GARIN3: variants seen among roughly 807,000 people sequenced by gnomAD.
GARIN3 encodes the protein golgi associated RAB2 interactor family member 3, also known as Golgi-associated RAB2 interactor protein 3.
the GARIN3 span, among the ~76,000 whole-genome samples, chr5:157,164,338 G>A: frequency 1.2e-4 from 19 of 152,014 alleles, no homozygotes; most frequent in Non-Finnish European, 2.5e-4. Context: ...ATTTAGTAGA[G>A]ATGAGGTTTC....
At chr5:157,162,360 A>G in the GARIN3 span, 1 of 1,503,190 alleles carries the variant, frequency 6.7e-7, no homozygotes, top group Non-Finnish European at 8.9e-7. Context: ...GATTTCCTTT[A>G]TTATTTGAAC....
chr5:157,162,265 C>G, the GARIN3 span: 1 of 894,590 alleles, frequency 1.1e-6, no homozygotes, highest in Non-Finnish European at 1.7e-6. Flanking sequence ...AGCATAGCCA[C>G]CATCACAGAA....
At chr5:157,163,276 A>G in the GARIN3 span, 2 of 1,614,226 alleles carry the variant, frequency 1.2e-6, no homozygotes, top group Non-Finnish European at 1.7e-6. Context: ...AGCACCTGCC[A>G]TGGACTTGCT....
the GARIN3 span, chr5:157,162,264 A>T: frequency 1.1e-6 from 1 of 881,352 alleles, no homozygotes; most frequent in Non-Finnish European, 1.7e-6. Flanking sequence ...TAGCATAGCC[A>T]CCATCACAGA....
At chr5:157,165,614 G>T in the GARIN3 span, 1 of 1,614,074 alleles carries the variant, frequency 6.2e-7, no homozygotes, top group Non-Finnish European at 8.5e-7. Context: ...GAAGTGTTGG[G>T]GTACTGCAGT....
the GARIN3 span, chr5:157,163,447 C>T: frequency 6.2e-7 from 1 of 1,614,222 alleles, no homozygotes; most frequent in Non-Finnish European, 8.5e-7. Context: ...TGTTGCTGTT[C>T]CTGCCACTGC....
the GARIN3 span, chr5:157,162,316 C>A: frequency 7.2e-7 from 1 of 1,388,000 alleles, no homozygotes; most frequent in Non-Finnish European, 9.7e-7. Flanking sequence ...CAGAAAAATT[C>A]AAGCAGGAGA....
At chr5:157,164,146 CTTTT>C in the GARIN3 span, among the ~76,000 whole-genome samples, 1 of 127,218 alleles carries the variant, frequency 7.9e-6, no homozygotes, top group African/African-American at 3.0e-5. Context: ...AGTCTTTTGT[CTTTT>C]TTTTTTTTTT....
At chr5:157,164,968 G>A in the GARIN3 span, among the ~76,000 whole-genome samples, 80 of 152,102 alleles carry the variant, frequency 5.3e-4, no homozygotes, top group Non-Finnish European at 9.1e-4. Context: ...GCATTGAGCC[G>A]AGATCGTGCC....
At chr5:157,165,006 C>T in the GARIN3 span, among the ~76,000 whole-genome samples, 3 of 152,040 alleles carry the variant, frequency 2.0e-5, no homozygotes, top group South Asian at 2.1e-4. Flanking sequence ...GAGATAAGAG[C>T]GAAACTCTGT....
the GARIN3 span, chr5:157,162,738 C>G: frequency 1.2e-6 from 2 of 1,614,222 alleles, no homozygotes; most frequent in African/African-American, 2.7e-5. Context: ...GAGTTGTTCT[C>G]GACTCCTTTT....
chr5:157,163,039 C>T, the GARIN3 span: 2 of 1,614,278 alleles, frequency 1.2e-6, no homozygotes, highest in South Asian at 1.1e-5. Context: ...ATCTCGTTCA[C>T]TCATGTAGCC....
the GARIN3 span, among the ~76,000 whole-genome samples, chr5:157,164,462 T>C: frequency 6.6e-6 from 1 of 152,332 alleles, no homozygotes; most frequent in African/African-American, 2.4e-5. Flanking sequence ...TAAGCCTAAG[T>C]CTTGCTCTCA....
the GARIN3 span, chr5:157,166,051 T>G: frequency 3.1e-6 from 5 of 1,614,184 alleles, no homozygotes; most frequent in Admixed American, 8.3e-5. Flanking sequence ...TACTTGAAAA[T>G]GTTGTACTCT....
the GARIN3 span, chr5:157,162,178 G>A: frequency 3.1e-5 from 16 of 510,398 alleles, no homozygotes; most frequent in Admixed American, 1.1e-4. Flanking sequence ...AGGCAAAGCT[G>A]AACACTCACG....
chr5:157,165,829 C>T, the GARIN3 span: 19 of 1,613,982 alleles, frequency 1.2e-5, no homozygotes, highest in Middle Eastern at 1.6e-4. Flanking sequence ...AGAGTCTTGA[C>T]GGGCCTGCGA....
At chr5:157,163,655 C>T in the GARIN3 span, 1 of 1,610,356 alleles carries the variant, frequency 6.2e-7, no homozygotes, top group Non-Finnish European at 8.5e-7. Context: ...TGGAGCTCTG[C>T]AGCCTATACC....
the GARIN3 span, among the ~76,000 whole-genome samples, chr5:157,164,557 T>A: frequency 1.3e-5 from 2 of 152,238 alleles, no homozygotes; most frequent in Non-Finnish European, 2.9e-5. Flanking sequence ...AAAGTACTGA[T>A]ACAATTCCTC....
the GARIN3 span, chr5:157,163,794 G>A: frequency 1.4e-5 from 16 of 1,174,134 alleles, no homozygotes; most frequent in Admixed American, 8.3e-5. Flanking sequence ...GGTGGCTCAC[G>A]CCTGTAATCC....
Sources: gnomAD v4.1 joint callset for allele counts (sites outside exome capture counted in the v4.1 genomes callset) on GRCh38, gnomAD v4.1.1 for gene constraint, MANE v1.5 for transcripts, NCBI Gene and HGNC (gene_info 2026-07-23, HGNC 2026-07-21) for gene names.